Variants in LYRM4 observed in about 807,000 individuals in gnomAD.
LYRM4 encodes the protein LYR motif-containing protein 4.
In LYRM4, 9 loss-of-function variants were observed where a neutral mutation model predicts 11.7. The observed-to-expected ratio is 0.77, with a 90% CI of 0.46 to 1.34. LYRM4 has a LOEUF of 1.34. Among genes scored for constraint, LYRM4 ranks in the 40% most tolerant of loss-of-function variants. The probability of loss-of-function intolerance (pLI) is 0.00; values close to 1 mark genes in which losing one functional copy is unlikely to be tolerated. For synonymous variants in LYRM4, 42 were observed against 40.4 expected, an observed-to-expected ratio of 1.04 and a Z score of -0.15; for missense variants, 133 against 112.5, an observed-to-expected ratio of 1.18 and a Z score of -0.82.
chr6:5,037,804 C>T, the LYRM4 span, among the ~76,000 whole-genome samples: 3 of 61,056 alleles, frequency 4.9e-5, 1 homozygote, highest in Non-Finnish European at 1.2e-4. Context: ...GGCGGCTGGC[C>T]GGGCAGGGGG....
At chr6:5,225,588 A>G (rs1023557288) in intron 1 of LYRM4, among the ~76,000 whole-genome samples, 7 of 152,372 alleles carry the variant, frequency 4.6e-5, no homozygotes, top group African/African-American at 1.7e-4. Flanking sequence ...TAGATGAACT[A>G]GAATTCATTT....
At chr6:5,184,738 C>A (rs1452063010) in intron 2 of LYRM4, among the ~76,000 whole-genome samples, 1 of 152,204 alleles carries the variant, frequency 6.6e-6, no homozygotes, top group African/African-American at 2.4e-5. Context: ...TGCTGAGCAT[C>A]TACTGTGGAT....
downstream of LYRM4, among the ~76,000 whole-genome samples, chr6:5,101,990 G>GTTTTTTT (rs1762519776): frequency 1.3e-4 from 4 of 31,948 alleles, no homozygotes; most frequent in Admixed American, 3.4e-4. Flanking sequence ...TTTTTGGAGA[G>GTTTTTTT]TTATGTTGCC....
chr6:5,071,881 G>A, the LYRM4 span, among the ~76,000 whole-genome samples: 7 of 152,210 alleles, frequency 4.6e-5, no homozygotes, highest in Admixed American at 3.3e-4. Flanking sequence ...CTGACCTCAA[G>A]TGATCTGCCC....
At chr6:5,041,862 A>T in the LYRM4 span, among the ~76,000 whole-genome samples, 1 of 152,376 alleles carries the variant, frequency 6.6e-6, no homozygotes, top group African/African-American at 2.4e-5. Context: ...GGTTTCTATA[A>T]ACAAAGGACT....
At chr6:5,142,791 C>T (rs1331846104) in intron 2 of LYRM4, among the ~76,000 whole-genome samples, 5 of 152,106 alleles carry the variant, frequency 3.3e-5, no homozygotes, top group Non-Finnish European at 7.4e-5. Context: ...CACAGCCATG[C>T]CCAGATTTGA....
At chr6:5,227,181 C>A (rs898652861) in intron 1 of LYRM4, among the ~76,000 whole-genome samples, 2 of 152,124 alleles carry the variant, frequency 1.3e-5, no homozygotes, top group African/African-American at 4.8e-5. Context: ...TGAGGAGGTT[C>A]AGACTGTCGA....
At chr6:5,130,111 C>T (rs1168141742) in intron 2 of LYRM4, among the ~76,000 whole-genome samples, 3 of 152,200 alleles carry the variant, frequency 2.0e-5, no homozygotes, top group Admixed American at 2.0e-4. Context: ...AACTGTGGAG[C>T]CCTGAATAGA....
the LYRM4 span, among the ~76,000 whole-genome samples, chr6:5,097,487 T>C: frequency 6.6e-6 from 1 of 152,194 alleles, no homozygotes; most frequent in African/African-American, 2.4e-5. Flanking sequence ...TAGCTGGGAC[T>C]ACAGGCATGA....
At chr6:5,189,698 G>T (rs915808128) in intron 2 of LYRM4, among the ~76,000 whole-genome samples, 1 of 152,146 alleles carries the variant, frequency 6.6e-6, no homozygotes, top group East Asian at 1.9e-4. Flanking sequence ...ATTTGTCTAC[G>T]ATGCTAGCCA....
chr6:5,110,207 G>C (rs1032279301), intron 2 of LYRM4, among the ~76,000 whole-genome samples: 1 of 149,336 alleles, frequency 6.7e-6, no homozygotes, highest in African/African-American at 2.5e-5. Flanking sequence ...CAAGTGGAAT[G>C]GGTGAAGGAA....
At chr6:5,154,112 C>G (rs2127643519) in intron 2 of LYRM4, among the ~76,000 whole-genome samples, 1 of 152,228 alleles carries the variant, frequency 6.6e-6, no homozygotes, top group South Asian at 2.1e-4. Flanking sequence ...AATCTTTAAG[C>G]CACTAATTTT....
chr6:5,183,409 T>C (rs934431266), intron 2 of LYRM4, among the ~76,000 whole-genome samples: 9 of 152,182 alleles, frequency 5.9e-5, no homozygotes, highest in Non-Finnish European at 1.2e-4. Flanking sequence ...GGTTATAGCA[T>C]GTAGCATATA....
intron 2 of LYRM4, among the ~76,000 whole-genome samples, chr6:5,164,972 A>C (rs1427101534): frequency 6.6e-6 from 1 of 151,694 alleles, no homozygotes; most frequent in Non-Finnish European, 1.5e-5. Flanking sequence ...TGTCTCAAAA[A>C]AAAAAAAAAA....
intron 2 of LYRM4, among the ~76,000 whole-genome samples, chr6:5,158,665 G>A (rs1758562589): frequency 1.3e-5 from 2 of 151,932 alleles, no homozygotes; most frequent in South Asian, 2.1e-4. Context: ...TTTGTAGAGG[G>A]TCCCACTATG....
intron 2 of LYRM4, among the ~76,000 whole-genome samples, chr6:5,205,016 T>A (rs1278520111): frequency 1.3e-5 from 2 of 152,170 alleles, no homozygotes; most frequent in Non-Finnish European, 2.9e-5. Flanking sequence ...TTGGCCTTAT[T>A]ATATTAGGCA....
chr6:5,157,548 C>T lies in LYRM4; in HGVS notation c.208-48057G>A, dbSNP rs551220566. On this transcript the variant is annotated intron_variant, in intron 2 of 2. Coordinates refer to ENST00000330636, the MANE Select transcript of LYRM4 (RefSeq NM_020408.6). ...AAAGAAGACTGAAATCTTACATTTT[C>T]AACAGTATGCCTTAATGACAGAAGG... Among the ~76,000 whole-genome samples the T allele has an allele frequency of 1.3e-4, 19 of 150,440 alleles. No homozygotes were observed. The East Asian group carries it at 3.7e-3, about 29-fold the overall frequency.
At chr6:5,218,653 CTCAGTATCAA>C (rs1762414058) in intron 1 of LYRM4, among the ~76,000 whole-genome samples, 1 of 152,148 alleles carries the variant, frequency 6.6e-6, no homozygotes, top group South Asian at 2.1e-4. Context: ...CTGCTGAGCG[CTCAGTATCAA>C]TCCTAAAGGG....
At chr6:5,255,894 T>C (rs1396127394) in intron 1 of LYRM4, among the ~76,000 whole-genome samples, 1 of 152,168 alleles carries the variant, frequency 6.6e-6, no homozygotes, top group African/African-American at 2.4e-5. Context: ...CTAACCTAAA[T>C]AGTATTCCTA....
Sources: gnomAD v4.1 joint callset for allele counts (sites outside exome capture counted in the v4.1 genomes callset) on GRCh38, gnomAD v4.1.1 for gene constraint, MANE v1.5 for transcripts, NCBI Gene and HGNC (gene_info 2026-07-23, HGNC 2026-07-21) for gene names.